CECR2: variants seen among roughly 807,000 people sequenced by gnomAD.
CECR2 encodes the protein chromatin remodeling regulator CECR2.
A neutral mutation model predicts 154.5 loss-of-function variants in CECR2; 30 were observed. That is an observed-to-expected ratio of 0.19 (90% CI 0.15 to 0.26). CECR2 has a LOEUF of 0.26. Ranked by LOEUF, CECR2 falls within the 10% of genes least tolerant of loss-of-function variation. The pLI is 1.00. For synonymous variants in CECR2, 725 were observed against 683.7 expected, an observed-to-expected ratio of 1.06 and a Z score of -0.94; for missense variants, 1,743 against 1,829.3, an observed-to-expected ratio of 0.95 and a Z score of 0.86.
chr22:17,499,349 G>T, intron 3 of CECR2, 61 bp from the exon 4 acceptor site: 1 of 1,567,606 alleles, frequency 6.4e-7, no homozygotes, highest in South Asian at 1.2e-5. Flanking sequence ...CCTCGTTCTG[G>T]TTTTTTCCTG....
chr22:17,385,306 C>T (rs1267836285), intron 1 of CECR2, among the ~76,000 whole-genome samples: 1 of 152,220 alleles, frequency 6.6e-6, no homozygotes, highest in Non-Finnish European at 1.5e-5. Context: ...TTTCAGCTTT[C>T]AGCACGCCTT....
rs1569162293 is a variant in CECR2 at position 17,552,907 on chromosome 22, G to A, written c.*67G>A. On this transcript the variant is annotated 3_prime_UTR_variant, in exon 19 of 19. Transcript: ENST00000262608. ...CGAAGACTGGAATGTGGAGAACTGG[G>A]GAGTGCCCTGTCAGCTCTATTCCCA... 5 of 1,539,198 alleles carry A rather than the reference G, an allele frequency of 3.2e-6. No individual in the cohort carries two copies. In the East Asian group the frequency reaches 1.2e-4, roughly 38 times the overall value.
At chr22:17,423,951 T>G (rs1189960706) in intron 1 of CECR2, among the ~76,000 whole-genome samples, 1 of 152,240 alleles carries the variant, frequency 6.6e-6, no homozygotes, top group Non-Finnish European at 1.5e-5. Context: ...AGCCTCAATA[T>G]GCATAAATAA....
upstream of CECR2, among the ~76,000 whole-genome samples, chr22:17,367,181 G>T (rs955051497): frequency 2.6e-5 from 4 of 152,090 alleles, no homozygotes; most frequent in Non-Finnish European, 5.9e-5. Flanking sequence ...TTAAATTGGG[G>T]CTGGGGTGGT....
chr22:17,553,715 A>G lies in CECR2; in HGVS notation c.*875A>G, dbSNP rs531846341. On this transcript the variant is annotated 3_prime_UTR_variant, in exon 19 of 19. Coordinates refer to ENST00000262608, the MANE Select transcript of CECR2 (RefSeq NM_001290047.2). ...ATTGAGAAAGTGGTGTCCCTTCCTG[A>G]TTTTGCCACCAGCCCTACCGAATAG... 1 of 152,264 alleles carries G rather than the reference A, an allele frequency of 6.6e-6. No individual in the cohort carries two copies. The highest frequency in any genetic ancestry group is 2.1e-4 in the South Asian group (1 of 4,822). The allele number at this position is 152,264 out of a possible 1,614,324, so 9.4% of individuals were successfully genotyped here.
intron 1 of CECR2, among the ~76,000 whole-genome samples, chr22:17,450,456 A>G (rs1157897933): frequency 6.6e-6 from 1 of 152,088 alleles, no homozygotes; most frequent in East Asian, 1.9e-4. Context: ...TTTTTAGTAG[A>G]AACAGGTTTT....
chr22:17,510,971 TA>T (rs2055939172), intron 7 of CECR2, among the ~76,000 whole-genome samples: 1 of 152,212 alleles, frequency 6.6e-6, no homozygotes, highest in Non-Finnish European at 1.5e-5. Context: ...GCGGTATGTT[TA>T]AGTTGTATAA....
At chr22:17,366,460 T>A (rs1461616587), upstream of CECR2, among the ~76,000 whole-genome samples, 2 of 152,176 alleles carry the variant, frequency 1.3e-5, no homozygotes, top group Admixed American at 6.5e-5. Context: ...GTGCTGAGAT[T>A]ACAGGCGTCA....
chr22:17,448,910 C>G (rs5746391), intron 1 of CECR2, among the ~76,000 whole-genome samples: 1 of 151,504 alleles, frequency 6.6e-6, no homozygotes, highest in Non-Finnish European at 1.5e-5. Context: ...GATGGAGTCT[C>G]GCTCTGTCGC....
intron 1 of CECR2, among the ~76,000 whole-genome samples, chr22:17,449,285 G>A (rs887246571): frequency 2.0e-5 from 3 of 151,782 alleles, no homozygotes; most frequent in East Asian, 3.9e-4. Context: ...TCTGCCTCCC[G>A]TGCTTTATAC....
intron 1 of CECR2, among the ~76,000 whole-genome samples, chr22:17,374,392 TAGAAATAGCTAAA>T (rs1377379361): frequency 6.6e-6 from 1 of 152,172 alleles, no homozygotes; most frequent in African/African-American, 2.4e-5. Context: ...CATTAAGTAA[TAGAAATAGCTAAA>T]AGAAACTTGT....
intron 1 of CECR2, among the ~76,000 whole-genome samples, chr22:17,407,408 C>T (rs747984909): frequency 4.6e-5 from 7 of 152,122 alleles, no homozygotes; most frequent in Non-Finnish European, 1.0e-4. Context: ...CCACCCTGGC[C>T]AACATAGTGA....
At chr22:17,408,274 A>G (rs2054015590) in intron 1 of CECR2, among the ~76,000 whole-genome samples, 1 of 124,396 alleles carries the variant, frequency 8.0e-6, no homozygotes, top group African/African-American at 3.1e-5. Context: ...TTATTTTTAT[A>G]TTTGCTTTTT....
intron 1 of CECR2, among the ~76,000 whole-genome samples, chr22:17,451,885 T>C (rs1221160616): frequency 6.6e-6 from 1 of 152,174 alleles, no homozygotes; most frequent in Non-Finnish European, 1.5e-5. Flanking sequence ...ATCATACAAC[T>C]GTCTCAAAAT....
chr22:17,434,695 G>A (rs1434756668), intron 1 of CECR2, among the ~76,000 whole-genome samples: 1 of 149,922 alleles, frequency 6.7e-6, no homozygotes, highest in African/African-American at 2.5e-5. Context: ...CTTGTTTTAT[G>A]TTCTGTTTGT....
rs1463383022 is a variant in CECR2 at position 17,497,406 on chromosome 22, T to G, written c.225T>G (p.Pro75=). 1.3e-5 allele frequency: 21 copies of G among 1,613,324 alleles called. No homozygotes were observed. In the Middle Eastern group the frequency reaches 6.6e-4, roughly 51 times the overall value. The stretch of plus-strand genomic sequence containing the variant: ...TGTGTTTGGGGCCCTGGTCTAGGCC[T>G]CAGACATTCCACAGCTACCTAGAGG... The part of the protein sequence containing the change: ...QGCYQRRDIT[P]QTFHSYLEDI... The change falls in exon 3 of 19, where the codon CCT becomes CCG. Residue 75 remains proline (P), a synonymous_variant. Transcript: ENST00000262608.
At chr22:17,394,162 CA>C (rs1175965148) in intron 1 of CECR2, among the ~76,000 whole-genome samples, 1 of 146,506 alleles carries the variant, frequency 6.8e-6, no homozygotes, top group Non-Finnish European at 1.5e-5. Flanking sequence ...GCTGGGATTA[CA>C]GGCGTGAGCC....
chr22:17,373,429 T>C (rs2063083456), intron 1 of CECR2, among the ~76,000 whole-genome samples: 1 of 152,104 alleles, frequency 6.6e-6, no homozygotes, highest in Non-Finnish European at 1.5e-5. Flanking sequence ...AAAATTATCA[T>C]AAAATACAGG....
rs191127181 is a variant in CECR2 at position 17,435,778 on chromosome 22, A to G, written c.127-41810A>G. ...TTTTCTCATAGTCATCCCATCCCTT[A>G]TACAGTGTCTCTCTGGCCAAATTAA... On this transcript the variant is annotated intron_variant, in intron 1 of 18. Transcript: ENST00000262608. Among the ~76,000 whole-genome samples, 10 of 151,218 alleles carry G rather than the reference A, an allele frequency of 6.6e-5. No homozygotes were observed. In the East Asian group the frequency reaches 1.6e-3, roughly 24 times the overall value.
Sources: allele counts gnomAD v4.1 joint callset (sites outside exome capture counted in the v4.1 genomes callset), GRCh38; gene constraint gnomAD v4.1.1; transcripts MANE v1.5; gene names NCBI Gene and HGNC (gene_info 2026-07-23, HGNC 2026-07-21).